Variants in ZBTB21 observed in about 807,000 individuals in gnomAD.
The protein encoded by ZBTB21 is zinc finger and BTB domain containing 21, also known as zinc finger and BTB domain-containing protein 21.
In ZBTB21, 10 loss-of-function variants were observed where a neutral mutation model predicts 39.8. The observed-to-expected ratio is 0.25, with a 90% CI of 0.16 to 0.43. The LOEUF is 0.43. Among genes scored for constraint, ZBTB21 ranks in the 20% least tolerant of loss-of-function variants. ZBTB21 has a pLI of 1.00. For missense variants in ZBTB21, 1,221 were observed against 1,296.3 expected, an observed-to-expected ratio of 0.94 and a Z score of 0.89; for synonymous variants, 551 against 498.8, an observed-to-expected ratio of 1.10 and a Z score of -1.40.
In ZBTB21 at chr21:41,993,522, G is replaced by C; in HGVS notation, c.574C>G (p.Pro192Ala). The C allele has an allele frequency of 6.2e-7, 1 of 1,614,186 alleles. No homozygotes were observed. Among genetic ancestry groups the C allele is most frequent in the Non-Finnish European group, 8.5e-7 (1 of 1,180,032 alleles). Residue 192 changes from proline (P) to alanine (A), a missense_variant, in exon 3 of 3, where the codon CCA becomes GCA. Pro to Ala is a conservative substitution (Grantham distance 27). Around this residue, in one of 4 missense-constraint regions of ZBTB21, gnomAD observed 500 missense variants for 465.6 expected, o/e 1.07. Coordinates refer to ENST00000310826, the MANE Select transcript of ZBTB21 (RefSeq NM_001098402.2). ...VKANTNKPHV[P>A]KPIEPLHNLS... ...TTATGAAGTGGTTCTATTGGTTTTG[G>C]GACATGTGGCTTATTGGTATTGGCC...
intron 1 of ZBTB21, among the ~76,000 whole-genome samples, chr21:42,009,860 T>G (rs1209864184): frequency 6.6e-6 from 1 of 152,024 alleles, no homozygotes; most frequent in Admixed American, 6.5e-5. Flanking sequence ...GAACGCGCCC[T>G]TCTCCACGAG....
chr21:41,996,975 C>T (rs2146304148), intron 2 of ZBTB21, among the ~76,000 whole-genome samples: 1 of 152,358 alleles, frequency 6.6e-6, no homozygotes, highest in Admixed American at 6.5e-5. Flanking sequence ...ACAGCCTCCC[C>T]AGTCACATGG....
Position 41,993,634 on chromosome 21 carries a change from A to G in ZBTB21, c.462T>C (p.Ser154=). ...CAGTTTTTCCTTGCGCTTCGTTTCT[A>G]CTTTGACAAACAATGACACTTCTCT... The part of the protein sequence containing the change: ...SQKRSVIVCQ[S]RNEAQGKTVS... Residue 154 remains serine (S), a synonymous_variant, in exon 3 of 3, where the codon AGT becomes AGC. Transcript: ENST00000310826. 1 of 1,614,194 alleles carries G rather than the reference A, an allele frequency of 6.2e-7. No individual in the cohort carries two copies. The highest frequency in any genetic ancestry group is 8.5e-7 in the Non-Finnish European group (1 of 1,180,030).
At position 41,999,925 on chromosome 21, in the gene ZBTB21, A is replaced by G. The variant is rs116339220; in HGVS notation, c.-14+2972T>C. ...ATTGAAGATTCTGAGCAGAGGAATG[A>G]CAAAGACCTGAATTACATTTCCAAA... On this transcript the variant is annotated intron_variant, in intron 2 of 2. Transcript: ENST00000310826. 4.0e-3 allele frequency among the ~76,000 whole-genome samples: 607 copies of G among 152,332 alleles called. 3 individuals carry two copies. Among genetic ancestry groups the G allele is most frequent in the African/African-American group, 0.014 (576 of 41,566 alleles).
At position 41,994,036 on chromosome 21, in the gene ZBTB21, C is replaced by G. The variant is rs757981915; in HGVS notation, c.60G>C (p.Leu20=). ...PAHAISLLSA[L]NEERLKGQLC... ...GCTGTCCTTTGAGACGCTCCTCATT[C>G]AGGGCACTTAGGAGAGAAATGGCGT... The change falls in exon 3 of 3, where the codon CTG becomes CTC. Residue 20 remains leucine, a synonymous_variant. Coordinates refer to ENST00000310826, the MANE Select transcript of ZBTB21 (RefSeq NM_001098402.2). The G allele has an allele frequency of 1.1e-5, 17 of 1,614,074 alleles. No individual in the cohort carries two copies. The highest frequency in any genetic ancestry group is 1.4e-5 in the Non-Finnish European group (16 of 1,179,996).
At chr21:42,001,722 T>G (rs2065819779) in intron 2 of ZBTB21, among the ~76,000 whole-genome samples, 1 of 152,200 alleles carries the variant, frequency 6.6e-6, no homozygotes, top group South Asian at 2.1e-4. Context: ...ATAATTTGGG[T>G]GCTTATTCTG....
rs367544155 is a variant in ZBTB21 at position 41,987,785 on chromosome 21, C to T, written c.*3110G>A. On this transcript the variant is annotated 3_prime_UTR_variant, in exon 3 of 3. Transcript: ENST00000310826. ...ACTTTAGATCTGTTAATTCTTCCAT[C>T]TCTCCCTCACCCTGATCAGAGAGTT... 6.6e-6 allele frequency: 1 copy of T among 152,182 alleles called. No homozygotes were observed. The highest frequency in any genetic ancestry group is 1.9e-4 in the East Asian group (1 of 5,188). The allele number at this position is 152,182 out of a possible 1,614,324, so 9.4% of individuals were successfully genotyped here.
At position 41,992,685 on chromosome 21, in the gene ZBTB21, C is replaced by G; in HGVS notation, c.1411G>C (p.Glu471Gln). The G allele has an allele frequency of 6.2e-7, 1 of 1,614,164 alleles. No homozygotes were observed. Among genetic ancestry groups the G allele is most frequent in the Middle Eastern group, 1.6e-4 (1 of 6,062 alleles). The change falls in exon 3 of 3, where the codon GAA becomes CAA. Residue 471 changes from glutamate (E) to glutamine (Q), a missense_variant. Glu to Gln is a conservative substitution (Grantham distance 29). Around this residue, in one of 4 missense-constraint regions of ZBTB21, gnomAD observed 500 missense variants for 465.6 expected, o/e 1.07. Transcript: ENST00000310826. This position sits in a 1 kb window ranked among gnomAD's most constrained non-coding sequence, Gnocchi z 4.1. ...CTGCTCATGTCTTTTTGGTCATCTT[C>G]TGTTTTCAGAGACAGGTCTCTTGTG... ...SVTRDLSLKT[E>Q]DDQKDMSRLP...
At chr21:42,002,502 T>G (rs1314637833) in intron 2 of ZBTB21, 1 of 152,222 alleles carries the variant, frequency 6.6e-6, no homozygotes, top group East Asian at 1.9e-4. Context: ...TCTGCTCTTC[T>G]GCTGTCAGAT....
rs149655682 is a variant in ZBTB21 at position 41,991,471 on chromosome 21, T to C, written c.2625A>G (p.Lys875=). 1 of 1,614,016 alleles carries C rather than the reference T, an allele frequency of 6.2e-7. No individual in the cohort carries two copies. The highest frequency in any genetic ancestry group is 1.3e-5 in the African/African-American group (1 of 74,892). ...CCACAGGCTCCTCTTTGACTTGGAT[T>C]TTCAGTTGCTTGGAAAGACTAAGGT... ...PEDLSLSKQL[K]IQVKEEPVEE... Residue 875 remains lysine, a synonymous_variant, in exon 3 of 3, where the codon AAA becomes AAG. Transcript: ENST00000310826. The surrounding 1 kb of genome is among the most constrained non-coding windows in gnomAD (Gnocchi z 4.9).
Position 41,989,554 on chromosome 21 carries a change from A to G in ZBTB21, c.*1341T>C, listed in dbSNP as rs2065623070. 1 of 152,178 alleles carries G rather than the reference A, an allele frequency of 6.6e-6. No individual in the cohort carries two copies. The highest frequency in any genetic ancestry group is 1.5e-5 in the Non-Finnish European group (1 of 67,986). The allele number at this position is 152,178 out of a possible 1,614,324, so 9.4% of individuals were successfully genotyped here. A position where few individuals can be genotyped will look rare whatever the true frequency, so the allele number is the denominator to read the frequency against. On this transcript the variant is annotated 3_prime_UTR_variant, in exon 3 of 3. Transcript: ENST00000310826. Reference sequence around the variant, plus strand: ...AGTTTTCCCTTTTGAAACACATTGAACTTTGGATATCCTACTGAAAGGCTT... The same window carrying G: ...AGTTTTCCCTTTTGAAACACATTGAGCTTTGGATATCCTACTGAAAGGCTT...
rs1471860456 is a variant in ZBTB21 at position 41,992,543 on chromosome 21, G to C, written c.1553C>G (p.Thr518Ser). ...ATCTGGAAAATCTGCATCAAGGAGA[G>C]TAGGGCTTGAGCCTTCCTCAAAATT... is the stretch of plus-strand genomic sequence containing the variant. ...EDNFEEGSSP[T>S]LLDADFPDSD... The change falls in exon 3 of 3, where the codon ACT (threonine) becomes AGT (serine). Residue 518 changes from threonine to serine, a missense_variant. Transcript: ENST00000310826. This position sits in a 1 kb window ranked among gnomAD's most constrained non-coding sequence, Gnocchi z 4.1. 6.2e-7 allele frequency: 1 copy of C among 1,614,214 alleles called. No individual in the cohort carries two copies. Among genetic ancestry groups the C allele is most frequent in the East Asian group, 2.2e-5 (1 of 44,888 alleles).
intron 1 of ZBTB21, chr21:42,009,241 G>A (rs1023742372): frequency 6.6e-6 from 1 of 152,206 alleles, no homozygotes; most frequent in Non-Finnish European, 1.5e-5. Flanking sequence ...GCGCGCTCTT[G>A]CGGAATTCTC....
intron 2 of ZBTB21, chr21:42,002,660 T>C (rs531179129): frequency 6.8e-4 from 103 of 152,312 alleles, no homozygotes; most frequent in African/African-American, 2.3e-3. Flanking sequence ...CAGTGCATCT[T>C]ACACATAAAC....
chr21:42,008,235 G>T (rs1157184218), intron 1 of ZBTB21, among the ~76,000 whole-genome samples: 1 of 150,846 alleles, frequency 6.6e-6, no homozygotes, highest in African/African-American at 2.4e-5. Flanking sequence ...GCTGGGCGCA[G>T]TGGCTCATGC....
Position 41,988,589 on chromosome 21 carries a change from TAA to T in ZBTB21, c.*2304_*2305del, listed in dbSNP as rs1325409909. Reference sequence around the variant, plus strand: ...ATAAACTCTTTCAGCCTAATGCTTTTAAAGTACAGTATAAAAAGTAATAGAAA... The same window carrying T: ...ATAAACTCTTTCAGCCTAATGCTTTTAGTACAGTATAAAAAGTAATAGAAA... On this transcript the variant is annotated 3_prime_UTR_variant, in exon 3 of 3. Transcript: ENST00000310826. 1.3e-5 allele frequency: 2 copies of T among 152,188 alleles called. No individual in the cohort carries two copies. The highest frequency in any genetic ancestry group is 2.9e-5 in the Non-Finnish European group (2 of 68,020). The allele number at this position is 152,188 out of a possible 1,614,324, so 9.4% of individuals were successfully genotyped here. A position where few individuals can be genotyped will look rare whatever the true frequency, so the allele number is the denominator to read the frequency against.
chr21:41,999,818 G>C (rs1009427788), intron 2 of ZBTB21, among the ~76,000 whole-genome samples: 4 of 152,186 alleles, frequency 2.6e-5, no homozygotes, highest in Non-Finnish European at 1.5e-5. Flanking sequence ...TGACATCTGA[G>C]AGGCAATAAG....
rs1410602030 is a variant in ZBTB21 at position 41,991,208 on chromosome 21, G to A, written c.2888C>T (p.Ala963Val). The A allele has an allele frequency of 4.3e-6, 7 of 1,614,094 alleles. No homozygotes were observed. In the Admixed American group the frequency reaches 5.0e-5, roughly 12 times the overall value. ...TTCCTTATGTGCCGATTCCTCTGAA[G>A]CCTGAGACATGTGCGATTGGAAGTG... is the stretch of plus-strand genomic sequence containing the variant. ...WSHFQSHMSQ[A>V]SEESAHKESE... is the part of the protein sequence containing the mutation. The change falls in exon 3 of 3, where the codon GCT becomes GTT. Residue 963 changes from alanine (A) to valine (V), a missense_variant. Physicochemically the swap from Ala to Val is moderately conservative, Grantham distance 64. Coordinates refer to ENST00000310826, the MANE Select transcript of ZBTB21 (RefSeq NM_001098402.2). This position sits in a 1 kb window ranked among gnomAD's most constrained non-coding sequence, Gnocchi z 4.9.
rs1346712295 is a variant in ZBTB21, at chr21:41,992,856, GAGA to G, written c.1237_1239del (p.Ser413del). 1 of 1,614,198 alleles carries G rather than the reference GAGA, an allele frequency of 6.2e-7. No individual in the cohort carries two copies. Among genetic ancestry groups the G allele is most frequent in the Admixed American group, 1.7e-5 (1 of 60,026 alleles). ...GAAGCTCCCTCCCTGTCTGTTGACT[GAGA>G]AGCACTAAAGGACCTGAGGCGATGC... On this transcript the variant is annotated inframe_deletion, in exon 3 of 3. Coordinates refer to ENST00000310826, the MANE Select transcript of ZBTB21 (RefSeq NM_001098402.2). The surrounding 1 kb of genome is among the most constrained non-coding windows in gnomAD (Gnocchi z 4.1).
Sources: gnomAD v4.1 joint callset for allele counts (sites outside exome capture counted in the v4.1 genomes callset) on GRCh38, gnomAD v4.1.1 for gene constraint, gnomAD v4.1.1 regional missense constraint, Gnocchi (gnomAD v3.1) non-coding constraint, MANE v1.5 for transcripts, NCBI Gene and HGNC (gene_info 2026-07-23, HGNC 2026-07-21) for gene names.